Variants in MYLK observed in about 807,000 individuals in gnomAD.
MYLK encodes the protein myosin light chain kinase.
In MYLK, 106 loss-of-function variants were observed where a neutral mutation model predicts 203.4. The ratio of observed to expected loss-of-function variants is 0.52; its 90% CI spans 0.45 to 0.61. The LOEUF (loss-of-function observed/expected upper bound fraction) is 0.61. MYLK is among the 20% of genes least tolerant of loss of function. MYLK has a pLI of 0.00. For missense variants in MYLK, 2,072 were observed against 2,442.3 expected (o/e 0.85, Z 3.20); for synonymous variants, 867 against 959.5 (o/e 0.90, Z 1.78).
intron 27 of MYLK, among the ~76,000 whole-genome samples, chr3:123,646,499 G>T (rs2059024993): frequency 6.6e-6 from 1 of 152,200 alleles, no homozygotes; most frequent in African/African-American, 2.4e-5. Flanking sequence ...ATGCCAGTGT[G>T]CATGCTTGAC....
intron 30 of MYLK, among the ~76,000 whole-genome samples, chr3:123,627,317 G>C (rs879676277): frequency 1.8e-4 from 28 of 152,288 alleles, no homozygotes; most frequent in Non-Finnish European, 3.4e-4. Context: ...GGCCCACAAA[G>C]CCTAATCCTC....
chr3:123,625,590 CG>C (rs1243832639), intron 31 of MYLK, among the ~76,000 whole-genome samples: 1 of 151,826 alleles, frequency 6.6e-6, no homozygotes, highest in African/African-American at 2.4e-5. Context: ...GGGTGGATCA[CG>C]AGGTCAGGAG....
At chr3:123,790,410 T>G (rs1055609021) in intron 4 of MYLK, among the ~76,000 whole-genome samples, 3 of 152,172 alleles carry the variant, frequency 2.0e-5, no homozygotes, top group Non-Finnish European at 4.4e-5. Context: ...GGTTATGTGT[T>G]GGCTACCCAA....
At chr3:123,781,571 C>A (rs1305438777) in intron 4 of MYLK, among the ~76,000 whole-genome samples, 1 of 152,212 alleles carries the variant, frequency 6.6e-6, no homozygotes, top group East Asian at 1.9e-4. Flanking sequence ...CCACACAAAC[C>A]TATGGCATAC....
intron 9 of MYLK, chr3:123,734,844 C>T (rs2062619063): frequency 5.6e-6 from 1 of 179,054 alleles, no homozygotes; most frequent in African/African-American, 2.4e-5. Context: ...GCTAACATTC[C>T]TTTGCACAGG....
chr3:123,810,829 G>A (rs145780827), intron 3 of MYLK, among the ~76,000 whole-genome samples: 178 of 152,342 alleles, frequency 1.2e-3, no homozygotes, highest in African/African-American at 3.9e-3. Flanking sequence ...GTTGTCTGCA[G>A]GGCAGTCAGT....
chr3:123,628,278 C>G (rs1194993007), intron 30 of MYLK, among the ~76,000 whole-genome samples: 2 of 152,180 alleles, frequency 1.3e-5, no homozygotes, highest in African/African-American at 4.8e-5. Context: ...CTGAGACACT[C>G]CAATATTGCT....
chr3:123,692,434 T>A, intron 19 of MYLK: 1 of 1,218,702 alleles, frequency 8.2e-7, no homozygotes, highest in Non-Finnish European at 1.0e-6. Context: ...TCTTTTCTAC[T>A]GCCCAGTGCC....
intron 17 of MYLK, 101 bp from the exon 18 acceptor site, chr3:123,701,106 A>G: frequency 1.6e-6 from 1 of 629,868 alleles, no homozygotes; most frequent in Non-Finnish European, 2.7e-6. Flanking sequence ...GGGAGGGTAG[A>G]GGGGAGCGGG....
At chr3:123,623,972 C>G (rs897416482) in intron 31 of MYLK, 1 of 152,084 alleles carries the variant, frequency 6.6e-6, no homozygotes, top group Non-Finnish European at 1.5e-5. Flanking sequence ...GAATTCTACC[C>G]TTTTCTTCCC....
In MYLK at chr3:123,734,240, T is replaced by C. The variant is rs761133062; in HGVS notation, c.774-18A>G. The C allele has an allele frequency of 1.7e-5, 8 of 469,816 alleles. No individual in the cohort carries two copies. Among genetic ancestry groups the C allele is most frequent in the Non-Finnish European group, 1.8e-5 (5 of 276,046 alleles). The allele number at this position is 469,816 out of a possible 1,614,324, so 29.1% of individuals were successfully genotyped here. A position where few individuals can be genotyped will look rare whatever the true frequency, so the allele number is the denominator to read the frequency against. On this transcript the variant is annotated intron_variant, in intron 9 of 33. Coordinates refer to ENST00000360304, the MANE Select transcript of MYLK (RefSeq NM_053025.4). ...CAAATGACCTGTGTGGTGGTGAGGG[T>C]GGGGGTAGGGTGGGTGAGGAGAGGG... is the stretch of plus-strand genomic sequence containing the variant.
At chr3:123,658,958 G>C (rs2059478411) in intron 23 of MYLK, among the ~76,000 whole-genome samples, 1 of 152,222 alleles carries the variant, frequency 6.6e-6, no homozygotes, top group African/African-American at 2.4e-5. Flanking sequence ...CTGGGATTGT[G>C]ACAGAGCCAC....
intron 3 of MYLK, among the ~76,000 whole-genome samples, chr3:123,808,234 C>T (rs538735813): frequency 2.6e-5 from 4 of 152,308 alleles, no homozygotes; most frequent in East Asian, 3.9e-4. Context: ...ACAGGGATCC[C>T]GCTTCTCAGG....
chr3:123,630,994 C>A (rs1405985741), intron 29 of MYLK, among the ~76,000 whole-genome samples: 2 of 152,162 alleles, frequency 1.3e-5, no homozygotes, highest in African/African-American at 4.8e-5. Flanking sequence ...TGGTTTAATG[C>A]TCTGCTGCTG....
intron 27 of MYLK, among the ~76,000 whole-genome samples, chr3:123,643,369 A>T (rs556269950): frequency 0.019 from 2,853 of 152,328 alleles, 78 homozygotes; most frequent in African/African-American, 0.062. Flanking sequence ...GCCCTTGGGA[A>T]TGTCTGAGGC....
intron 29 of MYLK, among the ~76,000 whole-genome samples, chr3:123,631,301 G>C (rs1463368129): frequency 6.6e-6 from 1 of 151,928 alleles, no homozygotes; most frequent in Non-Finnish European, 1.5e-5. Context: ...GGGAGGCTGA[G>C]GCAGGAGAAT....
chr3:123,717,839 C>CTTTTTT (rs10574979), intron 13 of MYLK, among the ~76,000 whole-genome samples: 46 of 94,960 alleles, frequency 4.8e-4, no homozygotes, highest in African/African-American at 1.9e-3. Context: ...TTGAGGGACT[C>CTTTTTT]TTTTTTTTTT....
chr3:123,735,145 A>T (rs2062629539), intron 9 of MYLK: 1 of 530,346 alleles, frequency 1.9e-6, no homozygotes. Flanking sequence ...ACCAGAGAAG[A>T]GACTGTGTAG....
chr3:123,849,463 G>T (rs1304611697), intron 2 of MYLK, among the ~76,000 whole-genome samples: 1 of 152,116 alleles, frequency 6.6e-6, no homozygotes, highest in Non-Finnish European at 1.5e-5. Context: ...CTAAATTTTG[G>T]GGTGGTTTAT....
Sources: allele counts gnomAD v4.1 joint callset (sites outside exome capture counted in the v4.1 genomes callset), GRCh38; gene constraint gnomAD v4.1.1; transcripts MANE v1.5; gene names NCBI Gene and HGNC (gene_info 2026-07-23, HGNC 2026-07-21).